Variants in HMGCL observed in about 807,000 individuals in gnomAD.
HMGCL encodes 3-hydroxy-3-methylglutaryl-CoA lyase.
HMGCL carries 26 observed loss-of-function variants against 37.3 expected under a neutral mutation model. The observed-to-expected ratio is 0.70, with a 90% CI of 0.51 to 0.97. The LOEUF is 0.97. Ranked by LOEUF, HMGCL falls within the 50% of genes least tolerant of loss-of-function variation. The probability of loss-of-function intolerance (pLI) is 0.00; values close to 1 mark genes in which losing one functional copy is unlikely to be tolerated. For missense variants in HMGCL, 379 were observed against 398.1 expected (o/e 0.95, Z 0.41); for synonymous variants, 151 against 148.0 (o/e 1.02, Z -0.15).
At chr1:23,811,282 G>A (rs953589094) in intron 5 of HMGCL, among the ~76,000 whole-genome samples, 2 of 152,238 alleles carry the variant, frequency 1.3e-5, no homozygotes, top group Non-Finnish European at 2.9e-5. Context: ...TGAGATGCTA[G>A]AGGATTCATT....
At position 23,806,965 on chromosome 1, in the gene HMGCL, A is replaced by T. The variant is rs995720055; in HGVS notation, c.750+1170T>A. ...AGCACTTAACCTGGCACATCGATCC[A>T]TATTTCCGAAGTAACTGATGGAAGA... On this transcript the variant is annotated intron_variant, in intron 7 of 8. Coordinates refer to ENST00000374490, the MANE Select transcript of HMGCL (RefSeq NM_000191.3). This position sits in a 1 kb window ranked among gnomAD's most constrained non-coding sequence, Gnocchi z 4.0. The T allele has an allele frequency of 3.9e-6, 2 of 518,764 alleles. No individual in the cohort carries two copies. The highest frequency in any genetic ancestry group is 7.7e-6 in the Non-Finnish European group (2 of 259,882). The allele number at this position is 518,764 out of a possible 1,614,324, so 32.1% of individuals were successfully genotyped here.
chr1:23,821,418 G>C (rs888482749), intron 1 of HMGCL, among the ~76,000 whole-genome samples: 1 of 152,148 alleles, frequency 6.6e-6, no homozygotes, highest in Non-Finnish European at 1.5e-5. Flanking sequence ...CACTTTGGGA[G>C]GCCAAGGCAG....
chr1:23,802,890 T>A (rs1374181752), intron 8 of HMGCL, among the ~76,000 whole-genome samples: 1 of 152,196 alleles, frequency 6.6e-6, no homozygotes, highest in Non-Finnish European at 1.5e-5. Context: ...AAAACTGATA[T>A]TCAAGTGACA....
chr1:23,822,445 A>C (rs1168610344), intron 1 of HMGCL, among the ~76,000 whole-genome samples: 3 of 152,270 alleles, frequency 2.0e-5, no homozygotes, highest in African/African-American at 7.2e-5. Flanking sequence ...TGATACTGTA[A>C]CTTTTCAAAT....
intron 8 of HMGCL, chr1:23,803,642 TCTTA>T (rs1407283620): frequency 6.6e-6 from 1 of 152,314 alleles, no homozygotes; most frequent in African/African-American, 2.4e-5. Context: ...ACGTACGTTT[TCTTA>T]CTTAATCCTC....
chr1:23,817,612 G>A, intron 2 of HMGCL, 29 bp from the exon 3 acceptor site: 1 of 1,404,332 alleles, frequency 7.1e-7, no homozygotes, highest in Non-Finnish European at 1.0e-6. Flanking sequence ...CACCAAGGCA[G>A]CAAAGTTAGT....
chr1:23,823,149 C>A (rs1638752350), intron 1 of HMGCL, among the ~76,000 whole-genome samples: 1 of 133,064 alleles, frequency 7.5e-6, no homozygotes, highest in Non-Finnish European at 1.5e-5. Context: ...GTACTCCAGC[C>A]TGGGGTACAA....
intron 4 of HMGCL, 54 bp from the exon 5 acceptor site, chr1:23,814,392 A>T: frequency 6.2e-7 from 1 of 1,601,136 alleles, no homozygotes; most frequent in Non-Finnish European, 8.5e-7. Flanking sequence ...TTTGTTTGAG[A>T]TGGAGTCTTG....
Position 23,804,445 on chromosome 1 carries a change from G to T in HMGCL, c.831C>A (p.Ala277=), listed in dbSNP as rs1638363364. The part of the protein sequence containing the change: ...PYAQGASGNL[A]TEDLVYMLEG... Reference sequence around the variant, plus strand: ...CTAGCATGTAGACCAGGTCTTCTGTGGCCAAGTTTCCTGATGCCCCCTGTG... The same window carrying T: ...CTAGCATGTAGACCAGGTCTTCTGTTGCCAAGTTTCCTGATGCCCCCTGTG... The change falls in exon 8 of 9, where the codon GCC becomes GCA. Residue 277 remains alanine (A), a synonymous_variant. Transcript: ENST00000374490. The T allele has an allele frequency of 6.2e-7, 1 of 1,614,016 alleles. No individual in the cohort carries two copies. The highest frequency in any genetic ancestry group is 1.3e-5 in the African/African-American group (1 of 74,920).
intron 1 of HMGCL, among the ~76,000 whole-genome samples, chr1:23,824,873 C>G (rs1638787030): frequency 6.6e-6 from 1 of 152,190 alleles, no homozygotes; most frequent in South Asian, 2.1e-4. Context: ...CGAACAGGAT[C>G]AAAGTGCAAT....
intron 5 of HMGCL, among the ~76,000 whole-genome samples, chr1:23,813,643 A>T (rs1335508314): frequency 6.6e-6 from 1 of 152,172 alleles, no homozygotes; most frequent in Non-Finnish European, 1.5e-5. Flanking sequence ...TTTGTAATTT[A>T]TAAAGTGAGG....
chr1:23,810,674 G>T, intron 6 of HMGCL, 62 bp downstream of exon 6: 1 of 1,407,190 alleles, frequency 7.1e-7, no homozygotes, highest in Non-Finnish European at 1.0e-6. Flanking sequence ...GAACCTATGC[G>T]CTCAGGGGCA....
chr1:23,819,006 T>TA (rs11371330), intron 2 of HMGCL, among the ~76,000 whole-genome samples: 11,205 of 43,346 alleles, frequency 0.26, 2,018 homozygotes, highest in Non-Finnish European at 0.29. Flanking sequence ...ATGGACGTGC[T>TA]AAAAAAAAAA....
At chr1:23,810,663 G>A in intron 6 of HMGCL, 73 bp downstream of exon 6, 1 of 1,287,092 alleles carries the variant, frequency 7.8e-7, no homozygotes, top group Admixed American at 1.7e-5. Context: ...GGTGGGGAGA[G>A]GAACCTATGC....
At chr1:23,805,725 C>G (rs1028958758) in intron 7 of HMGCL, among the ~76,000 whole-genome samples, 1 of 152,192 alleles carries the variant, frequency 6.6e-6, no homozygotes, top group Non-Finnish European at 1.5e-5. Flanking sequence ...ATTCCTCAGA[C>G]AGCTTCTCTA....
intron 2 of HMGCL, among the ~76,000 whole-genome samples, chr1:23,818,644 C>T (rs371452903): frequency 7.2e-4 from 109 of 151,972 alleles, no homozygotes; most frequent in African/African-American, 2.5e-3. Flanking sequence ...CTCCGCCTTC[C>T]GGGTTCAAGC....
intron 4 of HMGCL, among the ~76,000 whole-genome samples, chr1:23,814,574 T>G (rs1229692279): frequency 1.3e-5 from 2 of 152,166 alleles, no homozygotes; most frequent in Non-Finnish European, 2.9e-5. Context: ...TTTCACCATG[T>G]TGGTCAGGCT....
intron 3 of HMGCL, 121 bp downstream of exon 3, chr1:23,817,355 C>T (rs140777384): frequency 8.3e-5 from 57 of 684,680 alleles, no homozygotes; most frequent in African/African-American, 8.0e-4. Context: ...CTATGAATCA[C>T]CTGAGACCTC....
chr1:23,814,572 T>A (rs749388641), intron 4 of HMGCL, among the ~76,000 whole-genome samples: 3 of 152,158 alleles, frequency 2.0e-5, no homozygotes, highest in Non-Finnish European at 4.4e-5. Context: ...CGTTTCACCA[T>A]GTTGGTCAGG....
Sources: allele counts gnomAD v4.1 joint callset (sites outside exome capture counted in the v4.1 genomes callset), GRCh38; gene constraint gnomAD v4.1.1; non-coding constraint Gnocchi (gnomAD v3.1); transcripts MANE v1.5; gene names NCBI Gene and HGNC (gene_info 2026-07-23, HGNC 2026-07-21).